Variants in RADX observed in about 807,000 individuals in gnomAD.
RADX encodes RPA1 related single stranded DNA binding protein, X-linked, also known as RPA-related protein RADX.
RADX carries 36 observed loss-of-function variants against 61.6 expected under a neutral mutation model. The observed-to-expected ratio is 0.58, with a 90% CI of 0.45 to 0.77. The LOEUF is 0.77. Among genes scored for constraint, RADX ranks in the 30% least tolerant of loss-of-function variants. RADX has a pLI of 0.00. For missense variants in RADX, 497 were observed against 651.1 expected (o/e 0.76, Z 2.58); for synonymous variants, 272 against 237.9 (o/e 1.14, Z -1.32).
chrX:106,643,062 T>G (rs1343576569), intron 10 of RADX, among the ~76,000 whole-genome samples: 5 of 111,629 alleles, frequency 4.5e-5, no homozygotes, highest in Non-Finnish European at 9.4e-5. Flanking sequence ...GGTTTTGATT[T>G]GCATTTCTCT....
intron 12 of RADX, among the ~76,000 whole-genome samples, chrX:106,663,592 A>C (rs1928157087): frequency 1.8e-5 from 2 of 112,003 alleles, no homozygotes; most frequent in Admixed American, 1.9e-4. Flanking sequence ...ATAATAATTT[A>C]ATTGTACATT....
intron 3 of RADX, 67 bp downstream of exon 3, chrX:106,625,349 T>C (rs1603038122): frequency 2.6e-6 from 2 of 780,495 alleles, no homozygotes; most frequent in Non-Finnish European, 3.5e-6. Context: ...ATGTACCATA[T>C]TAGGAAAAAA....
At chrX:106,621,044 T>C (rs1453675193) in intron 1 of RADX, among the ~76,000 whole-genome samples, 1 of 112,185 alleles carries the variant, frequency 8.9e-6, no homozygotes, top group African/African-American at 3.2e-5. Flanking sequence ...CAAAACTATG[T>C]AGCTCTTGAA....
At position 106,634,201 on chromosome X, in the gene RADX, T is replaced by A. The variant is rs1013837771; in HGVS notation, c.1303+949T>A. Among the ~76,000 whole-genome samples, 39 of 111,409 alleles carry A rather than the reference T, an allele frequency of 3.5e-4. 1 individual carries two copies. Among genetic ancestry groups the A allele is most frequent in the African/African-American group, 1.3e-3 (39 of 30,632 alleles). Reference sequence around the variant, plus strand: ...GCCCAGGCTAGAGTGCAGTGCACAATCTTGACTCACTGCAACCACTACCTC... The same window carrying A: ...GCCCAGGCTAGAGTGCAGTGCACAAACTTGACTCACTGCAACCACTACCTC... On this transcript the variant is annotated intron_variant, in intron 6 of 13. Transcript: ENST00000372548.
rs1361352519 is a variant in RADX, at chrX:106,639,905, T to C, written c.1734+218T>C. The C allele has an allele frequency of 5.0e-5, 11 of 220,021 alleles. No homozygotes were observed. The Admixed American group carries it at 7.3e-4, about 15-fold the overall frequency. 18.1% of individuals were successfully genotyped at this position (220,021 alleles called of 1,213,427 possible). A position where few individuals can be genotyped will look rare whatever the true frequency, so the allele number is the denominator to read the frequency against. On this transcript the variant is annotated intron_variant, in intron 9 of 13. Transcript: ENST00000372548. ...TTTTGCACCAACCTAATATTTTTAC[T>C]TTTTTGTTTGTTTCCTTTTTGTGTC...
intron 11 of RADX, among the ~76,000 whole-genome samples, chrX:106,660,360 T>C (rs1928060136): frequency 8.9e-6 from 1 of 112,296 alleles, no homozygotes; most frequent in Admixed American, 9.5e-5. Flanking sequence ...GTTCAACTTC[T>C]TCATCTTCCC....
intron 13 of RADX, among the ~76,000 whole-genome samples, chrX:106,672,202 AT>A (rs982262543): frequency 8.9e-6 from 1 of 112,068 alleles, no homozygotes; most frequent in African/African-American, 3.2e-5. Context: ...CACTAAGTAC[AT>A]TTACAATGTT....
intron 11 of RADX, among the ~76,000 whole-genome samples, chrX:106,652,558 CATGA>C (rs1404229720): frequency 9.1e-6 from 1 of 109,544 alleles, no homozygotes; most frequent in Non-Finnish European, 1.9e-5. Context: ...CAGTAACAAT[CATGA>C]ATGTGTATAA....
At chrX:106,634,786 CA>C (rs1016769777) in intron 6 of RADX, among the ~76,000 whole-genome samples, 34 of 111,538 alleles carry the variant, frequency 3.0e-4, no homozygotes, top group African/African-American at 1.1e-3. Context: ...CCTATTGCCT[CA>C]ATTTAGGTGG....
At chrX:106,677,222 G>A (rs1928533149) in intron 13 of RADX, among the ~76,000 whole-genome samples, 3 of 112,105 alleles carry the variant, frequency 2.7e-5, no homozygotes, top group African/African-American at 9.7e-5. Context: ...TTTGGTACTA[G>A]CAACCTGCAC....
intron 6 of RADX, 51 bp from the exon 7 acceptor site, chrX:106,636,492 A>G: frequency 1.4e-6 from 1 of 705,973 alleles, no homozygotes; most frequent in Non-Finnish European, 2.2e-6. Context: ...TGATCTTGTT[A>G]TGTCCTATTT....
At chrX:106,674,594 C>T (rs112220364) in intron 13 of RADX, among the ~76,000 whole-genome samples, 9 of 111,942 alleles carry the variant, frequency 8.0e-5, no homozygotes, top group African/African-American at 2.9e-4. Flanking sequence ...GCTGCCCATT[C>T]GTATGTCTTC....
chrX:106,677,365 G>A (rs899207545), intron 13 of RADX, among the ~76,000 whole-genome samples: 3 of 111,325 alleles, frequency 2.7e-5, no homozygotes, highest in Non-Finnish European at 5.7e-5. Context: ...TTTTTCCCTA[G>A]TTGCTCTAAG....
intron 12 of RADX, among the ~76,000 whole-genome samples, chrX:106,668,477 A>G (rs1307421449): frequency 8.9e-6 from 1 of 111,988 alleles, no homozygotes; most frequent in Non-Finnish European, 1.9e-5. Context: ...TGCCATGCCT[A>G]AAATGCCCTC....
In RADX at chrX:106,677,375, GTT is replaced by G. The variant is rs1354683366; in HGVS notation, c.2438-749_2438-748del. On this transcript the variant is annotated intron_variant, in intron 13 of 13. Transcript: ENST00000372548. Reference sequence around the variant, plus strand: ...ATTAATTTTTCCCTAGTTGCTCTAAGTTTTTGTCTAGATTCTAGAGTTCTGCA... The same window carrying G: ...ATTAATTTTTCCCTAGTTGCTCTAAGTTTGTCTAGATTCTAGAGTTCTGCA... 2.7e-5 allele frequency among the ~76,000 whole-genome samples: 3 copies of G among 111,329 alleles called. No homozygotes were observed. The East Asian group carries it at 8.4e-4, about 31-fold the overall frequency.
Position 106,611,992 on chromosome X carries a change from C to T in RADX, c.-89C>T, listed in dbSNP as rs1603030873. 3 of 1,020,424 alleles carry T rather than the reference C, an allele frequency of 2.9e-6. No homozygotes were observed. The highest frequency in any genetic ancestry group is 3.1e-5 in the East Asian group (1 of 32,773). The allele number at this position is 1,020,424 out of a possible 1,213,427, so 84.1% of individuals were successfully genotyped here. On this transcript the variant is annotated 5_prime_UTR_variant, in exon 1 of 14. Transcript: ENST00000372548. Reference sequence around the variant, plus strand: ...CTGTCAGCAGGGGCAGAGTAGCGATCGTCGCCAAAGCGCGCGGTTTTATTT... The same window carrying T: ...CTGTCAGCAGGGGCAGAGTAGCGATTGTCGCCAAAGCGCGCGGTTTTATTT...
chrX:106,636,315 C>A (rs1331079975), intron 6 of RADX, among the ~76,000 whole-genome samples: 2 of 111,515 alleles, frequency 1.8e-5, no homozygotes, highest in African/African-American at 6.5e-5. Flanking sequence ...CCTTATTGTT[C>A]CTAGTGTGGT....
At chrX:106,644,172 G>C (rs1415156947) in intron 10 of RADX, among the ~76,000 whole-genome samples, 1 of 111,535 alleles carries the variant, frequency 9.0e-6, no homozygotes, top group African/African-American at 3.2e-5. Flanking sequence ...TAGTTTTCTT[G>C]TGGAGTCTTT....
chrX:106,632,847 G>A (rs1389969680), intron 4 of RADX, 85 bp from the exon 5 acceptor site: 4 of 952,211 alleles, frequency 4.2e-6, no homozygotes, highest in Non-Finnish European at 4.4e-6. Context: ...TAGCAATTAT[G>A]TAGATATACA....
Sources: gnomAD v4.1 joint callset for allele counts (sites outside exome capture counted in the v4.1 genomes callset) on GRCh38, gnomAD v4.1.1 for gene constraint, MANE v1.5 for transcripts, NCBI Gene and HGNC (gene_info 2026-07-23, HGNC 2026-07-21) for gene names.